RRAGD: variants seen among roughly 807,000 people sequenced by gnomAD.
RRAGD encodes Ras related GTP binding D.
A neutral mutation model predicts 35.5 loss-of-function variants in RRAGD; 12 were observed. That is an observed-to-expected ratio of 0.34 (90% CI 0.22 to 0.55). The LOEUF (loss-of-function observed/expected upper bound fraction) is 0.55, where lower values mean the gene tolerates loss of function less well. Ranked by LOEUF, RRAGD falls within the 20% of genes least tolerant of loss-of-function variation. The pLI is 0.91. For synonymous variants in RRAGD, 155 were observed against 178.9 expected (o/e 0.87, Z 1.07); for missense variants, 324 against 490.1 (o/e 0.66, Z 3.20).
chr6:89,373,294 C>T (rs753707629), intron 5 of RRAGD, among the ~76,000 whole-genome samples: 1 of 152,154 alleles, frequency 6.6e-6, no homozygotes. Flanking sequence ...TAGGTTTTAA[C>T]TTTTTTTCAA....
intron 1 of RRAGD, among the ~76,000 whole-genome samples, chr6:89,389,189 T>C (rs1032265430): frequency 2.6e-5 from 4 of 152,100 alleles, no homozygotes; most frequent in Admixed American, 6.5e-5. Flanking sequence ...CTACACCAGT[T>C]CCTGGTAACA....
At chr6:89,386,312 G>A (rs1157582233) in intron 2 of RRAGD, among the ~76,000 whole-genome samples, 1 of 152,142 alleles carries the variant, frequency 6.6e-6, no homozygotes, top group Non-Finnish European at 1.5e-5. Flanking sequence ...CACACTTGTG[G>A]TCCTACTGTC....
intron 2 of RRAGD, among the ~76,000 whole-genome samples, chr6:89,386,560 A>G (rs1242797444): frequency 6.6e-6 from 1 of 152,258 alleles, no homozygotes; most frequent in Non-Finnish European, 1.5e-5. Context: ...ATAATTTTTC[A>G]TGATAGAAAA....
At chr6:89,371,171 G>A (rs1768848290) in intron 6 of RRAGD, among the ~76,000 whole-genome samples, 1 of 151,998 alleles carries the variant, frequency 6.6e-6, no homozygotes, top group Non-Finnish European at 1.5e-5. Context: ...GGGAGAAAAG[G>A]AGCGAGGGTA....
At chr6:89,368,254 C>A in intron 6 of RRAGD, 47 bp from the exon 7 acceptor site, 1 of 1,573,550 alleles carries the variant, frequency 6.4e-7, no homozygotes, top group East Asian at 2.2e-5. Flanking sequence ...TAGAAATAAT[C>A]TCCATCTTTT....
At chr6:89,399,618 A>G (rs555530788) in intron 1 of RRAGD, among the ~76,000 whole-genome samples, 1 of 152,194 alleles carries the variant, frequency 6.6e-6, no homozygotes, top group South Asian at 2.1e-4. Flanking sequence ...CTAAAAATAT[A>G]TATTTTTTTT....
At chr6:89,410,718 C>G (rs1321373864) in intron 1 of RRAGD, among the ~76,000 whole-genome samples, 1 of 152,204 alleles carries the variant, frequency 6.6e-6, no homozygotes, top group Non-Finnish European at 1.5e-5. Flanking sequence ...GAAAGTCGTG[C>G]CTGCCAGATG....
chr6:89,371,956 A>T (rs908290875), intron 6 of RRAGD, among the ~76,000 whole-genome samples: 1 of 152,214 alleles, frequency 6.6e-6, no homozygotes, highest in African/African-American at 2.4e-5. Context: ...TTTAAGAAGT[A>T]TTTTGAGGCT....
chr6:89,382,911 G>T (rs1178651411), intron 2 of RRAGD, among the ~76,000 whole-genome samples: 3 of 151,982 alleles, frequency 2.0e-5, no homozygotes, highest in Admixed American at 2.0e-4. Context: ...TTAAATGAAA[G>T]GCAAATGTCG....
At chr6:89,372,828 G>A (rs1324909925) in intron 5 of RRAGD, among the ~76,000 whole-genome samples, 2 of 152,228 alleles carry the variant, frequency 1.3e-5, no homozygotes, top group Non-Finnish European at 2.9e-5. Flanking sequence ...CCAGGCACCT[G>A]AAGAAGCCAG....
Position 89,368,043 on chromosome 6 carries a change from C to A in RRAGD, c.*13G>T. ...ATAAGGTCTGATTTCAAAAGACATT[C>A]CTGAAACCTCACCTACAGCAGCACT... On this transcript the variant is annotated 3_prime_UTR_variant, in exon 7 of 7. Coordinates refer to ENST00000369415, the MANE Select transcript of RRAGD (RefSeq NM_021244.5). The A allele has an allele frequency of 6.3e-7, 1 of 1,585,476 alleles. No individual in the cohort carries two copies. The highest frequency in any genetic ancestry group is 8.6e-7 in the Non-Finnish European group (1 of 1,167,162).
Position 89,366,520 on chromosome 6 carries a change from C to T in RRAGD, c.*1536G>A, listed in dbSNP as rs74330328. 2 of 120,618 alleles carry T rather than the reference C, an allele frequency of 1.7e-5. No individual in the cohort carries two copies. Among genetic ancestry groups the T allele is most frequent in the South Asian group, 2.9e-4 (1 of 3,442 alleles). The allele number at this position is 120,618 out of a possible 1,614,324, so 7.5% of individuals were successfully genotyped here. ...CAGCACAAGCAACAGAATGAGGCCC[C>T]CCTCTAAAAAAAAAAAAAAAAAAAG... On this transcript the variant is annotated 3_prime_UTR_variant, in exon 7 of 7. Transcript: ENST00000369415.
At chr6:89,400,585 G>C (rs1769440186) in intron 1 of RRAGD, among the ~76,000 whole-genome samples, 1 of 146,444 alleles carries the variant, frequency 6.8e-6, no homozygotes, top group Non-Finnish European at 1.5e-5. Context: ...CAGGGTTCAA[G>C]GACAGGCACT....
At chr6:89,380,465 GA>G in intron 2 of RRAGD, 98 bp from the exon 3 acceptor site, 1 of 969,648 alleles carries the variant, frequency 1.0e-6, no homozygotes, top group South Asian at 1.6e-5. Context: ...GCAACCCCCC[GA>G]AATACGTTGC....
intron 2 of RRAGD, among the ~76,000 whole-genome samples, chr6:89,386,441 C>T (rs912909035): frequency 1.3e-5 from 2 of 152,166 alleles, no homozygotes; most frequent in Admixed American, 6.5e-5. Flanking sequence ...GAATGACTCG[C>T]GACTGGGAAT....
At position 89,411,871 on chromosome 6, in the gene RRAGD, A is replaced by ATCGGCGTCGGAGGAG. The variant is rs1769703249; in HGVS notation, c.108_122dup (p.Ser37_Asp41dup). On this transcript the variant is annotated inframe_insertion, in exon 1 of 7. Transcript: ENST00000369415. This position sits in a 1 kb window ranked among gnomAD's most constrained non-coding sequence, Gnocchi z 5.6. ...CTCCCTCCTCTGTGCCGCTGTCCGGATCGGCGTCGGAGGAGTCGGGCCCGT... is the reference window on the plus strand; with the variant it reads ...CTCCCTCCTCTGTGCCGCTGTCCGGATCGGCGTCGGAGGAGTCGGCGTCGGAGGAGTCGGGCCCGT... 6.5e-7 allele frequency: 1 copy of ATCGGCGTCGGAGGAG among 1,549,690 alleles called. No homozygotes were observed.
At chr6:89,388,526 G>A (rs1014091864) in intron 1 of RRAGD, among the ~76,000 whole-genome samples, 1 of 152,110 alleles carries the variant, frequency 6.6e-6, no homozygotes, top group Non-Finnish European at 1.5e-5. Context: ...AAATTTGGGG[G>A]TTCCTCAGTT....
chr6:89,396,903 G>A (rs565392185), intron 1 of RRAGD, among the ~76,000 whole-genome samples: 33 of 150,842 alleles, frequency 2.2e-4, no homozygotes, highest in Admixed American at 7.3e-4. Context: ...CACCATGTTC[G>A]GCTAATTTTG....
chr6:89,376,876 G>A (rs1768957768), intron 5 of RRAGD, among the ~76,000 whole-genome samples: 1 of 152,026 alleles, frequency 6.6e-6, no homozygotes, highest in Non-Finnish European at 1.5e-5. Context: ...CACTACAGTT[G>A]ACCTTAAACA....
Sources: gnomAD v4.1 joint callset for allele counts (sites outside exome capture counted in the v4.1 genomes callset) on GRCh38, gnomAD v4.1.1 for gene constraint, Gnocchi (gnomAD v3.1) non-coding constraint, MANE v1.5 for transcripts, NCBI Gene and HGNC (gene_info 2026-07-23, HGNC 2026-07-21) for gene names.